Variants in CNTN4 observed in about 807,000 individuals in gnomAD.
CNTN4 encodes contactin 4, also known as contactin-4.
A neutral mutation model predicts 122.5 loss-of-function variants in CNTN4; 77 were observed. That is an observed-to-expected ratio of 0.63 (90% CI 0.52 to 0.76). CNTN4 has a LOEUF of 0.76. CNTN4 is among the 30% of genes least tolerant of loss of function. CNTN4 has a pLI of 0.00. For synonymous variants in CNTN4, 512 were observed against 447.0 expected (o/e 1.15, Z -1.83); for missense variants, 1,256 against 1,259.1 (o/e 1.00, Z 0.04).
chr3:3,017,882 C>A (rs778411406), intron 14 of CNTN4, among the ~76,000 whole-genome samples: 3 of 152,174 alleles, frequency 2.0e-5, no homozygotes, highest in African/African-American at 7.2e-5. Flanking sequence ...GTAGCAATAA[C>A]GGAACCACCT....
chr3:2,577,519 TTATACTTCTG>T (rs1251080303), intron 4 of CNTN4, among the ~76,000 whole-genome samples: 3 of 152,202 alleles, frequency 2.0e-5, no homozygotes, highest in African/African-American at 4.8e-5. Context: ...AAGATTCAGC[TTATACTTCTG>T]TACAATGAAG....
At chr3:2,451,365 T>A (rs2048823513) in intron 3 of CNTN4, among the ~76,000 whole-genome samples, 1 of 151,860 alleles carries the variant, frequency 6.6e-6, no homozygotes, top group African/African-American at 2.4e-5. Context: ...CCAGCAAGCT[T>A]CATACATTTT....
rs75794683 is a variant in CNTN4 at position 2,683,991 on chromosome 3, C to A, written c.56-52224C>A. 3.8e-3 allele frequency among the ~76,000 whole-genome samples: 585 copies of A among 152,228 alleles called. 4 individuals are homozygous for A. The highest frequency in any genetic ancestry group is 0.013 in the African/African-American group (532 of 41,554). On this transcript the variant is annotated intron_variant, in intron 4 of 24. Transcript: ENST00000418658. ...CTACAAATTTGAGAAAGGTGTTTAC[C>A]TATCGTTTAAAGAATCAACCTTACA...
rs572344499 is a variant in CNTN4, at chr3:2,518,451, G to A, written c.-88-52965G>A. On this transcript the variant is annotated intron_variant, in intron 3 of 24. Coordinates refer to ENST00000418658, the MANE Select transcript of CNTN4 (RefSeq NM_175607.3). ...ATGTTGTACATGACAGTCTTCGGTC[G>A]CAAAATAATCTAGAAAATTAGGAAC... Among the ~76,000 whole-genome samples the A allele has an allele frequency of 1.1e-3, 163 of 152,148 alleles. 1 individual carries two copies. The highest frequency in any genetic ancestry group is 6.4e-3 in the South Asian group (31 of 4,824).
intron 3 of CNTN4, among the ~76,000 whole-genome samples, chr3:2,390,098 A>G (rs952951107): frequency 2.6e-5 from 4 of 152,136 alleles, no homozygotes; most frequent in Admixed American, 6.6e-5. Flanking sequence ...TTCAGATGAC[A>G]GTTTTACTGT....
intron 2 of CNTN4, chr3:2,262,330 T>A (rs1161071699): frequency 6.6e-6 from 1 of 152,156 alleles, no homozygotes; most frequent in Non-Finnish European, 1.5e-5. Context: ...TTTTTCATAT[T>A]CTTTCTCTAC....
At chr3:2,195,597 G>C (rs1205808514) in intron 2 of CNTN4, among the ~76,000 whole-genome samples, 3 of 152,168 alleles carry the variant, frequency 2.0e-5, no homozygotes, top group Non-Finnish European at 2.9e-5. Flanking sequence ...ATTAGCATGT[G>C]TTTCTAAGTT....
chr3:2,874,442 A>G (rs2093820829), intron 8 of CNTN4, among the ~76,000 whole-genome samples: 1 of 152,186 alleles, frequency 6.6e-6, no homozygotes, highest in African/African-American at 2.4e-5. Flanking sequence ...TTAGCCTAGA[A>G]TTGAGTTGAC....
chr3:2,482,604 G>T (rs751349234), intron 3 of CNTN4, among the ~76,000 whole-genome samples: 77 of 152,284 alleles, frequency 5.1e-4, no homozygotes, highest in Non-Finnish European at 1.3e-4. Flanking sequence ...AGGGAAATAT[G>T]GTTTCCTTGA....
At chr3:2,762,985 A>C (rs1208287619) in intron 6 of CNTN4, among the ~76,000 whole-genome samples, 2 of 131,904 alleles carry the variant, frequency 1.5e-5, no homozygotes, top group African/African-American at 5.8e-5. Flanking sequence ...TGTGTCGCGC[A>C]GGCTGGAGTG....
intron 7 of CNTN4, among the ~76,000 whole-genome samples, chr3:2,830,268 G>C (rs1222997127): frequency 6.6e-6 from 1 of 152,118 alleles, no homozygotes; most frequent in Non-Finnish European, 1.5e-5. Flanking sequence ...TTCAAGTTGA[G>C]TACATCTCTA....
chr3:3,015,358 G>A (rs188958591), intron 14 of CNTN4, among the ~76,000 whole-genome samples: 119 of 152,122 alleles, frequency 7.8e-4, no homozygotes, highest in Non-Finnish European at 1.3e-3. Flanking sequence ...TGGGGGTGGG[G>A]GAGGGAGGAT....
At chr3:2,643,814 A>G (rs1254174235) in intron 4 of CNTN4, among the ~76,000 whole-genome samples, 1 of 151,908 alleles carries the variant, frequency 6.6e-6, no homozygotes, top group Non-Finnish European at 1.5e-5. Context: ...AGGCTCCCTG[A>G]CTCCCTATAT....
At chr3:2,797,923 T>TA in intron 6 of CNTN4, among the ~76,000 whole-genome samples, 3 of 150,706 alleles carry the variant, frequency 2.0e-5, no homozygotes, top group African/African-American at 7.4e-5. Context: ...ACTGAGTATT[T>TA]TTTTTTTTTT....
intron 10 of CNTN4, among the ~76,000 whole-genome samples, chr3:2,896,672 A>T (rs1270700496): frequency 6.6e-6 from 1 of 152,136 alleles, no homozygotes; most frequent in Non-Finnish European, 1.5e-5. Context: ...TAATATGAGA[A>T]TTTCTTGATG....
At chr3:2,425,841 A>G (rs1475786420) in intron 3 of CNTN4, among the ~76,000 whole-genome samples, 2 of 152,102 alleles carry the variant, frequency 1.3e-5, no homozygotes, top group African/African-American at 4.8e-5. Flanking sequence ...TGTGAATGGG[A>G]GTTCACTCAT....
chr3:2,424,518 C>G (rs542706437), intron 3 of CNTN4, among the ~76,000 whole-genome samples: 2 of 152,132 alleles, frequency 1.3e-5, no homozygotes, highest in South Asian at 2.1e-4. Flanking sequence ...CAGTGCCGCA[C>G]TAAACATATG....
chr3:2,947,110 T>G (rs1415246437), intron 13 of CNTN4, among the ~76,000 whole-genome samples: 1 of 152,232 alleles, frequency 6.6e-6, no homozygotes, highest in Non-Finnish European at 1.5e-5. Context: ...GTATCCCAAA[T>G]TAAGATGTGG....
At chr3:2,184,619 G>A (rs1317563721) in intron 2 of CNTN4, among the ~76,000 whole-genome samples, 1 of 152,078 alleles carries the variant, frequency 6.6e-6, no homozygotes, top group Non-Finnish European at 1.5e-5. Flanking sequence ...AATATTATGA[G>A]GGAGGGCCCT....
Sources: gnomAD v4.1 joint callset for allele counts (sites outside exome capture counted in the v4.1 genomes callset) on GRCh38, gnomAD v4.1.1 for gene constraint, MANE v1.5 for transcripts, NCBI Gene and HGNC (gene_info 2026-07-23, HGNC 2026-07-21) for gene names.